The following GNAI1 variants were observed in gnomAD, a reference collection of about 807,000 sequenced individuals.
GNAI1 encodes guanine nucleotide-binding protein G(i) subunit alpha-1.
A neutral mutation model predicts 38.9 loss-of-function variants in GNAI1; 11 were observed. The observed-to-expected ratio is 0.28, with a 90% CI of 0.18 to 0.47. GNAI1 has a LOEUF of 0.47. Among genes scored for constraint, GNAI1 ranks in the 20% least tolerant of loss-of-function variants. The probability of loss-of-function intolerance (pLI) is 0.99; values close to 1 mark genes in which losing one functional copy is unlikely to be tolerated. For synonymous variants in GNAI1, 166 were observed against 145.1 expected, an observed-to-expected ratio of 1.14 and a Z score of -1.04; for missense variants, 317 against 436.9, an observed-to-expected ratio of 0.73 and a Z score of 2.45.
chr7:80,221,847 G>A lies in GNAI1; in HGVS notation c.*4354G>A, dbSNP rs1048714318. On this transcript the variant is annotated 3_prime_UTR_variant, in exon 8 of 8. Coordinates refer to ENST00000649796, the MANE Select transcript of GNAI1 (RefSeq NM_002069.6). Reference sequence around the variant, plus strand: ...TAGTAAAGGGGGGTTTCACCATGTTGGCCAGGATGGTCTTGATCACCTGAC... The same window carrying A: ...TAGTAAAGGGGGGTTTCACCATGTTAGCCAGGATGGTCTTGATCACCTGAC... 4.6e-5 allele frequency among the ~76,000 whole-genome samples: 7 copies of A among 151,706 alleles called. No individual in the cohort carries two copies. Among genetic ancestry groups the A allele is most frequent in the East Asian group, 1.9e-4 (1 of 5,148 alleles).
rs1341164015 is a variant in GNAI1, at chr7:80,224,859, T to C, written c.*7366T>C. Among the ~76,000 whole-genome samples, 3 of 152,218 alleles carry C rather than the reference T, an allele frequency of 2.0e-5. No individual in the cohort carries two copies. The highest frequency in any genetic ancestry group is 4.4e-5 in the Non-Finnish European group (3 of 68,024). On this transcript the variant is annotated 3_prime_UTR_variant, in exon 8 of 8. Coordinates refer to ENST00000649796, the MANE Select transcript of GNAI1 (RefSeq NM_002069.6). ...CTGATTTGTGATATATTGGGTTATATAATTTTAAAATTCTACTTTTTTTTA... is the reference window on the plus strand; with the variant it reads ...CTGATTTGTGATATATTGGGTTATACAATTTTAAAATTCTACTTTTTTTTA...
intron 1 of GNAI1, among the ~76,000 whole-genome samples, chr7:80,175,909 C>T (rs1374978840): frequency 1.3e-5 from 2 of 152,096 alleles, no homozygotes; most frequent in Non-Finnish European, 2.9e-5. Flanking sequence ...GCAGAGTGGC[C>T]TCTAAGTGTT....
intron 1 of GNAI1, among the ~76,000 whole-genome samples, chr7:80,169,476 G>C (rs1788066468): frequency 6.6e-6 from 1 of 152,118 alleles, no homozygotes; most frequent in Non-Finnish European, 1.5e-5. Flanking sequence ...TGTGTATTCA[G>C]AAATGCTACA....
chr7:80,192,217 G>A (rs2115644259), intron 3 of GNAI1, among the ~76,000 whole-genome samples: 1 of 152,138 alleles, frequency 6.6e-6, no homozygotes, highest in South Asian at 2.1e-4. Context: ...TTATTAGAAT[G>A]GCATTCTTCA....
chr7:80,209,316 G>A (rs1376011195), intron 5 of GNAI1, among the ~76,000 whole-genome samples: 1 of 152,154 alleles, frequency 6.6e-6, no homozygotes, highest in Non-Finnish European at 1.5e-5. Context: ...AGGCTAACAA[G>A]TCCGAAGTTT....
chr7:80,223,046 G>A lies in GNAI1; in HGVS notation c.*5553G>A, dbSNP rs1056975180. Among the ~76,000 whole-genome samples, 1 of 152,170 alleles carries A rather than the reference G, an allele frequency of 6.6e-6. No homozygotes were observed. The highest frequency in any genetic ancestry group is 1.9e-4 in the East Asian group (1 of 5,188). ...TTTTCTTGGATACTGTACTGAAAAT[G>A]AAAAACAGATTGATTGCATGGGTAC... On this transcript the variant is annotated 3_prime_UTR_variant, in exon 8 of 8. Transcript: ENST00000649796.
At chr7:80,181,625 A>G (rs1452138919) in intron 1 of GNAI1, among the ~76,000 whole-genome samples, 2 of 152,146 alleles carry the variant, frequency 1.3e-5, no homozygotes, top group Non-Finnish European at 1.5e-5. Context: ...GCTGCACACA[A>G]TTCTTTCTTT....
intron 3 of GNAI1, among the ~76,000 whole-genome samples, chr7:80,194,081 A>G (rs1243657484): frequency 6.6e-6 from 1 of 152,160 alleles, no homozygotes; most frequent in Non-Finnish European, 1.5e-5. Context: ...GTCTTTTAGA[A>G]AGGTTCTATC....
intron 3 of GNAI1, among the ~76,000 whole-genome samples, chr7:80,193,042 A>G (rs1788509908): frequency 6.6e-6 from 1 of 151,622 alleles, no homozygotes; most frequent in African/African-American, 2.4e-5. Context: ...TTATTATTAC[A>G]TTACTGTCAT....
chr7:80,151,946 G>C (rs578111897), intron 1 of GNAI1, among the ~76,000 whole-genome samples: 2 of 152,276 alleles, frequency 1.3e-5, no homozygotes, highest in South Asian at 4.1e-4. Context: ...TTAGTACATG[G>C]CCCTTCAGCT....
intron 1 of GNAI1, chr7:80,135,724 G>GT: frequency 2.1e-6 from 2 of 950,768 alleles, no homozygotes; most frequent in Non-Finnish European, 2.5e-6. Context: ...TTCGACTGTG[G>GT]TTTTCTCATG....
intron 1 of GNAI1, among the ~76,000 whole-genome samples, chr7:80,137,448 G>A (rs545570046): frequency 6.7e-6 from 1 of 148,504 alleles, no homozygotes; most frequent in South Asian, 2.2e-4. Context: ...AGCCTCCCGA[G>A]TACCCGGGAC....
intron 1 of GNAI1, among the ~76,000 whole-genome samples, chr7:80,139,904 C>G (rs974531359): frequency 1.0e-5 from 1 of 95,706 alleles, no homozygotes. Context: ...GCACTTTGCC[C>G]TGCAATTTTT....
chr7:80,159,819 T>C (rs562624855), intron 1 of GNAI1, among the ~76,000 whole-genome samples: 205 of 152,264 alleles, frequency 1.3e-3, no homozygotes, highest in Middle Eastern at 6.8e-3. Context: ...TTGTGGCACA[T>C]TTCTAGATTT....
intron 1 of GNAI1, among the ~76,000 whole-genome samples, chr7:80,177,376 G>A: frequency 6.6e-6 from 1 of 152,116 alleles, no homozygotes; most frequent in East Asian, 1.9e-4. Context: ...TAAGCCCAGT[G>A]TTAAGACCTT....
At position 80,168,568 on chromosome 7, in the gene GNAI1, A is replaced by G. The variant is rs575226837; in HGVS notation, c.119-20383A>G. Among the ~76,000 whole-genome samples the G allele has an allele frequency of 4.6e-5, 7 of 152,104 alleles. No homozygotes were observed. In the East Asian group the frequency reaches 1.2e-3, roughly 25 times the overall value. ...ACGCCCGGCTAATTTTTGTATTTTT[A>G]GTAGAGTCAGGGTTTCACCGTGTTA... On this transcript the variant is annotated intron_variant, in intron 1 of 7. Transcript: ENST00000649796.
intron 1 of GNAI1, among the ~76,000 whole-genome samples, chr7:80,176,226 T>TAAGCCA (rs1430293041): frequency 6.6e-6 from 1 of 152,218 alleles, no homozygotes; most frequent in Non-Finnish European, 1.5e-5. Context: ...AACATTCCCT[T>TAAGCCA]AAGCCAAAGC....
intron 1 of GNAI1, among the ~76,000 whole-genome samples, chr7:80,164,049 T>TC (rs1787970066): frequency 6.9e-6 from 1 of 145,304 alleles, no homozygotes; most frequent in East Asian, 2.0e-4. Context: ...CTTTTTTTTT[T>TC]TTTTTTTTTT....
intron 1 of GNAI1, among the ~76,000 whole-genome samples, chr7:80,185,976 C>T (rs1788379291): frequency 6.7e-6 from 1 of 149,624 alleles, no homozygotes; most frequent in African/African-American, 2.5e-5. Flanking sequence ...TATTTTGTGA[C>T]TAGTAAAGAA....
Sources: gnomAD v4.1 joint callset for allele counts (sites outside exome capture counted in the v4.1 genomes callset) on GRCh38, gnomAD v4.1.1 for gene constraint, MANE v1.5 for transcripts, NCBI Gene and HGNC (gene_info 2026-07-23, HGNC 2026-07-21) for gene names.